The following LRRTM4 variants were observed in gnomAD, a reference collection of about 807,000 sequenced individuals.
The protein encoded by LRRTM4 is leucine rich repeat transmembrane neuronal 4.
LRRTM4 carries 25 observed loss-of-function variants against 47.6 expected under a neutral mutation model. That is an observed-to-expected ratio of 0.53 (90% CI 0.38 to 0.73). The LOEUF (loss-of-function observed/expected upper bound fraction) is 0.73. LRRTM4 is among the 30% of genes least tolerant of loss of function. The pLI is 0.00. For synonymous variants in LRRTM4, 311 were observed against 269.5 expected, an observed-to-expected ratio of 1.15 and a Z score of -1.51; for missense variants, 638 against 713.4, an observed-to-expected ratio of 0.89 and a Z score of 1.20.
chr2:77,162,229 C>T (rs1435513540), intron 3 of LRRTM4, among the ~76,000 whole-genome samples: 1 of 152,208 alleles, frequency 6.6e-6, no homozygotes, highest in South Asian at 2.1e-4. Flanking sequence ...ACTGCTAGTA[C>T]AGCAGTCTGA....
intron 3 of LRRTM4, among the ~76,000 whole-genome samples, chr2:77,230,641 C>A (rs1674936309): frequency 6.6e-6 from 1 of 151,980 alleles, no homozygotes; most frequent in African/African-American, 2.4e-5. Flanking sequence ...GTTTCTTCAT[C>A]TATGTAATCG....
At chr2:77,383,827 C>T (rs1023306628) in intron 3 of LRRTM4, among the ~76,000 whole-genome samples, 1 of 152,022 alleles carries the variant, frequency 6.6e-6, no homozygotes, top group Non-Finnish European at 1.5e-5. Context: ...CTCAAATCTA[C>T]TGAATAAGAC....
Position 77,083,854 on chromosome 2 carries a change from G to GAGT in LRRTM4, c.1552-334941_1552-334939dup, listed in dbSNP as rs1680618380. On this transcript the variant is annotated intron_variant, in intron 3 of 3. Transcript: ENST00000409884. ...GAGTCTCGCTCTGTCGCCCAGGCTG[G>GAGT]AGTGCAATGGTGAGATCTGGGCTCA... is the stretch of plus-strand genomic sequence containing the variant. Among the ~76,000 whole-genome samples the GAGT allele has an allele frequency of 2.3e-5, 3 of 130,780 alleles. No homozygotes were observed. In the South Asian group the frequency reaches 7.4e-4, roughly 32 times the overall value. The allele number at this position is 130,780 out of a possible 152,430, so 85.8% of individuals were successfully genotyped here.
chr2:76,827,731 T>C (rs774517850), intron 3 of LRRTM4, among the ~76,000 whole-genome samples: 1 of 151,842 alleles, frequency 6.6e-6, no homozygotes, highest in Non-Finnish European at 1.5e-5. Flanking sequence ...TACAAATACA[T>C]TGCTTTAGTT....
chr2:76,774,541 T>G (rs1209700663), intron 3 of LRRTM4, among the ~76,000 whole-genome samples: 3 of 152,140 alleles, frequency 2.0e-5, no homozygotes, highest in Non-Finnish European at 4.4e-5. Context: ...ATATATTTAG[T>G]ATTCATTAAG....
chr2:77,198,919 G>T (rs150277074), intron 3 of LRRTM4, among the ~76,000 whole-genome samples: 4 of 151,970 alleles, frequency 2.6e-5, no homozygotes, highest in African/African-American at 4.8e-5. Flanking sequence ...ACTACCTTCC[G>T]CAGACTGTAA....
At chr2:77,262,802 G>A (rs1205911719) in intron 3 of LRRTM4, among the ~76,000 whole-genome samples, 1 of 151,884 alleles carries the variant, frequency 6.6e-6, no homozygotes, top group Non-Finnish European at 1.5e-5. Context: ...ATATAATAAT[G>A]TATTTGTTCC....
At chr2:76,826,504 A>AT (rs749396620) in intron 3 of LRRTM4, among the ~76,000 whole-genome samples, 2 of 149,208 alleles carry the variant, frequency 1.3e-5, no homozygotes, top group East Asian at 4.0e-4. Flanking sequence ...AGGAGAATCA[A>AT]TTGTCTTTGA....
At chr2:77,438,807 T>C (rs1026505080) in intron 3 of LRRTM4, among the ~76,000 whole-genome samples, 6 of 152,206 alleles carry the variant, frequency 3.9e-5, no homozygotes, top group African/African-American at 7.2e-5. Context: ...TGTGAACCCA[T>C]TACATAAAAA....
chr2:76,821,291 G>C (rs1368810057), intron 3 of LRRTM4, among the ~76,000 whole-genome samples: 1 of 151,518 alleles, frequency 6.6e-6, no homozygotes, highest in East Asian at 1.9e-4. Context: ...AACAACTTGA[G>C]AAAAAAATCA....
chr2:76,881,947 T>A (rs149518193), intron 3 of LRRTM4, among the ~76,000 whole-genome samples: 3 of 152,196 alleles, frequency 2.0e-5, no homozygotes. Flanking sequence ...TTTACTTAAC[T>A]TCCTGATTGG....
chr2:77,192,523 GAA>G (rs1427883394), intron 3 of LRRTM4, among the ~76,000 whole-genome samples: 1 of 151,924 alleles, frequency 6.6e-6, no homozygotes, highest in African/African-American at 2.4e-5. Context: ...TTGAAATTGA[GAA>G]AAATAATTTT....
chr2:77,159,609 G>A (rs896930629), intron 3 of LRRTM4, among the ~76,000 whole-genome samples: 1 of 151,624 alleles, frequency 6.6e-6, no homozygotes, highest in African/African-American at 2.4e-5. Flanking sequence ...TCATCACAAA[G>A]GTCTTCATTC....
chr2:76,807,377 TC>T (rs1234337799), intron 3 of LRRTM4, among the ~76,000 whole-genome samples: 2 of 120,400 alleles, frequency 1.7e-5, no homozygotes, highest in Non-Finnish European at 1.8e-5. Context: ...TTATAAACAT[TC>T]ATTTTATATA....
At chr2:77,512,302 C>T (rs1679051464) in intron 3 of LRRTM4, among the ~76,000 whole-genome samples, 1 of 152,086 alleles carries the variant, frequency 6.6e-6, no homozygotes, top group African/African-American at 2.4e-5. Flanking sequence ...TTAGGAAATA[C>T]TGTGCTTTTT....
chr2:77,308,533 C>G (rs1018900430), intron 3 of LRRTM4, among the ~76,000 whole-genome samples: 2 of 151,836 alleles, frequency 1.3e-5, no homozygotes, highest in African/African-American at 4.8e-5. Context: ...ATTTTTTTAT[C>G]TTTATCATTT....
At chr2:77,252,295 A>G (rs548305514) in intron 3 of LRRTM4, among the ~76,000 whole-genome samples, 6 of 152,280 alleles carry the variant, frequency 3.9e-5, no homozygotes, top group Admixed American at 1.3e-4. Context: ...GCATTGGCAT[A>G]TATGGTACCC....
chr2:77,129,128 T>A (rs1318800823), intron 3 of LRRTM4, among the ~76,000 whole-genome samples: 2 of 152,214 alleles, frequency 1.3e-5, no homozygotes, highest in African/African-American at 4.8e-5. Flanking sequence ...CAAATCTTTA[T>A]ATGAACATGG....
In LRRTM4 at chr2:77,477,881, G is replaced by GAGAA. The variant is rs1323920429; in HGVS notation, c.1551+40433_1551+40436dup. Among the ~76,000 whole-genome samples, 93 of 97,886 alleles carry GAGAA rather than the reference G, an allele frequency of 9.5e-4. 1 individual carries two copies. Among genetic ancestry groups the GAGAA allele is most frequent in the African/African-American group, 3.6e-3 (89 of 24,970 alleles). The allele number at this position is 97,886 out of a possible 152,430, so 64.2% of individuals were successfully genotyped here. On this transcript the variant is annotated intron_variant, in intron 3 of 3. Transcript: ENST00000409884. ...AGAAAGAGAGAGAGAAAGAAAGAAAGAGAAAGAAAGAAAAAGAAAGAAAAA... is the reference window on the plus strand; with the variant it reads ...AGAAAGAGAGAGAGAAAGAAAGAAAGAGAAAGAAAGAAAGAAAAAGAAAGAAAAA...
Sources: allele counts gnomAD v4.1 joint callset (sites outside exome capture counted in the v4.1 genomes callset), GRCh38; gene constraint gnomAD v4.1.1; transcripts MANE v1.5; gene names NCBI Gene and HGNC (gene_info 2026-07-23, HGNC 2026-07-21).